CDH8: variants seen among roughly 807,000 people sequenced by gnomAD.
CDH8 encodes cadherin 8, also known as cadherin-8.
In CDH8, 17 loss-of-function variants were observed where a neutral mutation model predicts 68.1. The ratio of observed to expected loss-of-function variants is 0.25; its 90% CI spans 0.17 to 0.37. The LOEUF is 0.37. Among genes scored for constraint, CDH8 ranks in the 10% least tolerant of loss-of-function variants. The pLI is 1.00. For synonymous variants in CDH8, 372 were observed against 365.1 expected (o/e 1.02, Z -0.21); for missense variants, 763 against 999.3 (o/e 0.76, Z 3.19).
At chr16:61,930,157 C>A (rs1397893582) in intron 2 of CDH8, among the ~76,000 whole-genome samples, 1 of 151,586 alleles carries the variant, frequency 6.6e-6, no homozygotes, top group Admixed American at 6.6e-5. Flanking sequence ...TTATCCAGTG[C>A]CAAGAGTAAG....
chr16:61,869,470 T>C (rs1963316992), intron 3 of CDH8, among the ~76,000 whole-genome samples: 1 of 152,174 alleles, frequency 6.6e-6, no homozygotes, highest in African/African-American at 2.4e-5. Flanking sequence ...AGGTAGTCTG[T>C]GATTTTACAA....
chr16:61,714,019 A>C (rs1964677261), intron 9 of CDH8, 61 bp from the exon 10 acceptor site: 1 of 983,166 alleles, frequency 1.0e-6, no homozygotes, highest in Admixed American at 1.7e-5. Context: ...GCCATCGGTA[A>C]AAGCTTAGTG....
At chr16:61,884,084 A>T (rs935432403) in intron 3 of CDH8, among the ~76,000 whole-genome samples, 1 of 152,186 alleles carries the variant, frequency 6.6e-6, no homozygotes, top group Non-Finnish European at 1.5e-5. Flanking sequence ...TGGTTTAACT[A>T]AGAGATAATG....
intron 4 of CDH8, among the ~76,000 whole-genome samples, chr16:61,832,381 T>G (rs142156046): frequency 0.025 from 3,485 of 137,920 alleles, 58 homozygotes; most frequent in Non-Finnish European, 0.039. Flanking sequence ...GATAGATAGA[T>G]ACATAGAGAA....
intron 10 of CDH8, among the ~76,000 whole-genome samples, chr16:61,662,479 A>G (rs1380899688): frequency 1.3e-5 from 2 of 151,852 alleles, no homozygotes; most frequent in African/African-American, 4.8e-5. Flanking sequence ...GTTACATACT[A>G]CATTATTTTA....
rs139363515 is a variant in CDH8, at chr16:62,004,604, G to A, written c.252+16548C>T. 3.5e-3 allele frequency among the ~76,000 whole-genome samples: 536 copies of A among 152,272 alleles called. 1 individual carries two copies. Among genetic ancestry groups the A allele is most frequent in the Non-Finnish European group, 6.4e-3 (437 of 68,030 alleles). ...GTTTCAGAAATGTATCCTAATCATC[G>A]TTTTCTAATTCTGTATAAATGTGTG... On this transcript the variant is annotated intron_variant, in intron 2 of 11. Coordinates refer to ENST00000577390, the MANE Select transcript of CDH8 (RefSeq NM_001796.5).
chr16:61,973,755 TG>T (rs1180477946), intron 2 of CDH8, among the ~76,000 whole-genome samples: 3 of 152,258 alleles, frequency 2.0e-5, no homozygotes, highest in Non-Finnish European at 2.9e-5. Flanking sequence ...CCACAACTTC[TG>T]GGTCAGTCTC....
chr16:61,718,518 G>T (rs1959195065), intron 9 of CDH8, among the ~76,000 whole-genome samples: 2 of 151,276 alleles, frequency 1.3e-5, no homozygotes, highest in South Asian at 4.1e-4. Flanking sequence ...TAGAAAGGGG[G>T]TGAAGGAAAG....
At chr16:61,795,464 TG>T (rs1961474752) in intron 7 of CDH8, among the ~76,000 whole-genome samples, 1 of 152,130 alleles carries the variant, frequency 6.6e-6, no homozygotes, top group African/African-American at 2.4e-5. Flanking sequence ...TTATGGTTTT[TG>T]CTATCTCTTA....
At chr16:61,835,080 C>A (rs1962540350) in intron 4 of CDH8, among the ~76,000 whole-genome samples, 1 of 151,948 alleles carries the variant, frequency 6.6e-6, no homozygotes, top group African/African-American at 2.4e-5. Flanking sequence ...ACCTTCTATG[C>A]TATCCCAGCA....
intron 1 of CDH8, among the ~76,000 whole-genome samples, chr16:62,027,120 G>A (rs1005034760): frequency 1.3e-5 from 2 of 152,188 alleles, no homozygotes; most frequent in East Asian, 3.9e-4. Flanking sequence ...CAGATAGTGA[G>A]ATGAAGAGAT....
chr16:62,012,817 G>T (rs1901845470), intron 2 of CDH8, among the ~76,000 whole-genome samples: 1 of 151,946 alleles, frequency 6.6e-6, no homozygotes, highest in Non-Finnish European at 1.5e-5. Flanking sequence ...TTTTTTTAAG[G>T]TGGGTTACCT....
chr16:61,722,405 T>C (rs1959229119), intron 9 of CDH8, among the ~76,000 whole-genome samples: 1 of 150,948 alleles, frequency 6.6e-6, no homozygotes, highest in South Asian at 2.1e-4. Flanking sequence ...TTCAAAATTT[T>C]AAATTATTTT....
chr16:61,874,255 G>A (rs552560352), intron 3 of CDH8, among the ~76,000 whole-genome samples: 7 of 152,114 alleles, frequency 4.6e-5, no homozygotes, highest in African/African-American at 1.7e-4. Context: ...TTGAAGGTAG[G>A]CTAGGCTGAG....
intron 4 of CDH8, among the ~76,000 whole-genome samples, chr16:61,838,919 T>C (rs888445361): frequency 2.0e-5 from 3 of 152,118 alleles, no homozygotes; most frequent in Admixed American, 2.0e-4. Flanking sequence ...ACTAAAATGA[T>C]CAAGGGATTA....
Position 61,761,706 on chromosome 16 carries a change from A to G in CDH8, c.1414+27640T>C, listed in dbSNP as rs77821988. Among the ~76,000 whole-genome samples the G allele has an allele frequency of 1.3e-3, 203 of 152,240 alleles. 7 individuals carry two copies. The East Asian group carries it at 0.022, about 17-fold the overall frequency. ...CATATTCCATTTGTATAACATTTTT[A>G]TAATGGCAAAATTAGGCCAGGTGCA... On this transcript the variant is annotated intron_variant, in intron 8 of 11. Coordinates refer to ENST00000577390, the MANE Select transcript of CDH8 (RefSeq NM_001796.5).
At chr16:61,976,456 A>T (rs1386230247) in intron 2 of CDH8, among the ~76,000 whole-genome samples, 1 of 152,064 alleles carries the variant, frequency 6.6e-6, no homozygotes, top group African/African-American at 2.4e-5. Context: ...ACCACTGATG[A>T]GTTCAGGTGG....
intron 1 of CDH8, among the ~76,000 whole-genome samples, chr16:62,027,750 C>G (rs1046954990): frequency 6.6e-6 from 1 of 152,080 alleles, no homozygotes; most frequent in Admixed American, 6.5e-5. Flanking sequence ...GTAGAAAAAG[C>G]CTTTGGATTT....
chr16:61,699,416 A>C (rs2142845821), intron 10 of CDH8, among the ~76,000 whole-genome samples: 1 of 152,346 alleles, frequency 6.6e-6, no homozygotes, highest in Admixed American at 6.5e-5. Context: ...TTTACTTTTA[A>C]AGACACTGCA....
Sources: allele counts gnomAD v4.1 joint callset (sites outside exome capture counted in the v4.1 genomes callset), GRCh38; gene constraint gnomAD v4.1.1; transcripts MANE v1.5; gene names NCBI Gene and HGNC (gene_info 2026-07-23, HGNC 2026-07-21).